The following PDCD11 variants were observed in gnomAD, a reference collection of about 807,000 sequenced individuals.
PDCD11 encodes programmed cell death 11, also known as protein RRP5 homolog.
Under a neutral mutation model 198.9 loss-of-function variants are expected in PDCD11, and 97 were observed. That is an observed-to-expected ratio of 0.49 (90% CI 0.41 to 0.58). The LOEUF (loss-of-function observed/expected upper bound fraction) is 0.58, where lower values mean the gene tolerates loss of function less well. PDCD11 is among the 20% of genes least tolerant of loss of function. PDCD11 has a pLI of 0.00. For synonymous variants in PDCD11, 893 were observed against 918.0 expected (o/e 0.97, Z 0.49); for missense variants, 2,102 against 2,312.7 (o/e 0.91, Z 1.87).
At chr10:103,412,985 G>C (rs2030891065) in intron 8 of PDCD11, 131 bp from the exon 9 acceptor site, 1 of 682,648 alleles carries the variant, frequency 1.5e-6, no homozygotes, top group South Asian at 1.7e-5. Context: ...GCCAGTTTGA[G>C]TACTTACATA....
intron 5 of PDCD11, 45 bp downstream of exon 5, chr10:103,405,228 C>G: frequency 6.3e-7 from 1 of 1,599,014 alleles, no homozygotes; most frequent in Non-Finnish European, 8.6e-7. Flanking sequence ...TGTGCCTTCT[C>G]TCTGCCTCTG....
chr10:103,412,991 ACATACTAAGG>A (rs1161436320), intron 8 of PDCD11, 115 bp from the exon 9 acceptor site: 10 of 709,908 alleles, frequency 1.4e-5, no homozygotes. Context: ...TTGAGTACTT[ACATACTAAGG>A]ATGTGAGTAC....
chr10:103,435,010 GTGGAAT>G (rs1296780596), intron 25 of PDCD11, 35 bp downstream of exon 25: 2 of 1,390,404 alleles, frequency 1.4e-6, no homozygotes, highest in South Asian at 3.6e-5. Context: ...TCACCTGTCT[GTGGAAT>G]TGGTATATTT....
intron 25 of PDCD11, among the ~76,000 whole-genome samples, chr10:103,436,811 C>A (rs2032173350): frequency 6.6e-6 from 1 of 152,242 alleles, no homozygotes; most frequent in Non-Finnish European, 1.5e-5. Flanking sequence ...AGGCAGACAT[C>A]TGTCGTGGGA....
At chr10:103,421,860 G>A (rs2031450122) in intron 17 of PDCD11, among the ~76,000 whole-genome samples, 1 of 150,374 alleles carries the variant, frequency 6.7e-6, no homozygotes, top group South Asian at 2.1e-4. Flanking sequence ...CCAGCTACTC[G>A]GGAGGCTGAG....
At chr10:103,443,614 T>C (rs916134662) in intron 33 of PDCD11, among the ~76,000 whole-genome samples, 4 of 152,184 alleles carry the variant, frequency 2.6e-5, no homozygotes, top group Admixed American at 6.5e-5. Context: ...GAAGGGGACG[T>C]CCCGGCCCAG....
chr10:103,443,657 G>A (rs138915284), intron 33 of PDCD11, among the ~76,000 whole-genome samples: 216 of 152,278 alleles, frequency 1.4e-3, no homozygotes, highest in Non-Finnish European at 2.6e-3. Context: ...ACTCCCCCTT[G>A]TCATTCTCAT....
intron 8 of PDCD11, among the ~76,000 whole-genome samples, chr10:103,412,713 C>G (rs1440168868): frequency 6.6e-6 from 1 of 152,166 alleles, no homozygotes; most frequent in African/African-American, 2.4e-5. Flanking sequence ...ATCTGCCCAC[C>G]TCAGACTCCC....
intron 14 of PDCD11, 60 bp downstream of exon 14, chr10:103,417,992 C>G: frequency 1.3e-6 from 2 of 1,576,366 alleles, no homozygotes; most frequent in Non-Finnish European, 1.7e-6. Context: ...CAGGGAACCA[C>G]TAACACATGG....
At chr10:103,433,816 A>T (rs2032034601) in intron 22 of PDCD11, 132 bp from the exon 23 acceptor site, 1 of 685,022 alleles carries the variant, frequency 1.5e-6, no homozygotes, top group Admixed American at 2.3e-5. Context: ...GGGCAGTGGG[A>T]TGGAAGGGTG....
intron 16 of PDCD11, among the ~76,000 whole-genome samples, chr10:103,420,399 A>G (rs1408838188): frequency 6.6e-6 from 1 of 152,144 alleles, no homozygotes; most frequent in Non-Finnish European, 1.5e-5. Context: ...TGAGGTGTTA[A>G]GGGACCAGAA....
At position 103,411,443 on chromosome 10, in the gene PDCD11, G is replaced by A. The variant is rs188926233; in HGVS notation, c.978+1637G>A. On this transcript the variant is annotated intron_variant, in intron 8 of 35. Transcript: ENST00000369797. ...TACAATGGCACAACCACGGTTAATT[G>A]CAACCTCAACCTCCTGGGTTCAGGC... Among the ~76,000 whole-genome samples, 100 of 152,200 alleles carry A rather than the reference G, an allele frequency of 6.6e-4. No individual in the cohort carries two copies. In the Middle Eastern group the frequency reaches 0.01, roughly 16 times the overall value.
At chr10:103,443,564 G>C (rs1179892972) in intron 33 of PDCD11, among the ~76,000 whole-genome samples, 1 of 152,212 alleles carries the variant, frequency 6.6e-6, no homozygotes, top group African/African-American at 2.4e-5. Flanking sequence ...GTGGACCCCT[G>C]GTGTGTCTGC....
chr10:103,430,383 G>GC, intron 21 of PDCD11, among the ~76,000 whole-genome samples: 1 of 152,340 alleles, frequency 6.6e-6, no homozygotes. Flanking sequence ...CATTTAGGTT[G>GC]CTTGTGCCTC....
At chr10:103,400,571 G>A in intron 3 of PDCD11, 43 bp downstream of exon 3, 1 of 1,580,772 alleles carries the variant, frequency 6.3e-7, no homozygotes, top group East Asian at 2.3e-5. Context: ...GACCTTGGTT[G>A]CTTAAGTTTG....
chr10:103,404,534 G>T (rs1019819523), intron 4 of PDCD11, among the ~76,000 whole-genome samples: 17 of 152,036 alleles, frequency 1.1e-4, no homozygotes, highest in African/African-American at 4.1e-4. Context: ...CCTGACGTCA[G>T]GTGATCTGCC....
intron 25 of PDCD11, among the ~76,000 whole-genome samples, chr10:103,437,570 C>T (rs1392579645): frequency 6.6e-6 from 1 of 152,182 alleles, no homozygotes; most frequent in Admixed American, 6.5e-5. Context: ...TCACTGCAAC[C>T]TCTGCCTCCT....
intron 25 of PDCD11, among the ~76,000 whole-genome samples, chr10:103,435,605 C>G (rs2032119579): frequency 6.6e-6 from 1 of 151,822 alleles, no homozygotes; most frequent in African/African-American, 2.4e-5. Flanking sequence ...AGTCTCCTCC[C>G]AAGTTCAAGC....
rs773631540 is a variant in PDCD11, at chr10:103,440,452, A to G, written c.4311A>G (p.Lys1437=). ...AAAAAGGGGAAAAGAAAAATCAGAA[A>G]AGGAACGAGAAGAAGAACCAGAAGG... The part of the protein sequence containing the change: ...RDQKGEKKNQ[K]RNEKKNQKGQ... The change falls in exon 29 of 36, where the codon AAA becomes AAG. Residue 1437 remains lysine, a synonymous_variant. Transcript: ENST00000369797. 2.0e-5 allele frequency: 33 copies of G among 1,614,020 alleles called. No individual in the cohort carries two copies. In the South Asian group the frequency reaches 3.6e-4, roughly 18 times the overall value.
Sources: allele counts gnomAD v4.1 joint callset (sites outside exome capture counted in the v4.1 genomes callset), GRCh38; gene constraint gnomAD v4.1.1; transcripts MANE v1.5; gene names NCBI Gene and HGNC (gene_info 2026-07-23, HGNC 2026-07-21).